Variants in HACE1 observed in about 807,000 individuals in gnomAD.
The protein encoded by HACE1 is HECT domain and ankyrin repeat containing E3 ubiquitin protein ligase 1, also known as E3 ubiquitin-protein ligase HACE1.
In HACE1, 73 loss-of-function variants were observed where a neutral mutation model predicts 118.4. The observed-to-expected ratio is 0.62, with a 90% CI of 0.51 to 0.75. The LOEUF (loss-of-function observed/expected upper bound fraction) is 0.75, where lower values mean the gene tolerates loss of function less well. Ranked by LOEUF, HACE1 falls within the 30% of genes least tolerant of loss-of-function variation. The probability of loss-of-function intolerance (pLI) is 0.00; values close to 1 mark genes in which losing one functional copy is unlikely to be tolerated. For synonymous variants in HACE1, 368 were observed against 374.8 expected (o/e 0.98, Z 0.21); for missense variants, 749 against 1,102.2 (o/e 0.68, Z 4.54).
Position 104,767,910 on chromosome 6 carries a change from T to G in HACE1, c.2211+3283A>C, listed in dbSNP as rs369364377. On this transcript the variant is annotated intron_variant, in intron 19 of 23. Transcript: ENST00000262903. ...CATCTTACTCTTATCTTCTTTTTTT[T>G]CTCCAAGCCTGGATGAACTTTATGA... Among the ~76,000 whole-genome samples, 5 of 152,142 alleles carry G rather than the reference T, an allele frequency of 3.3e-5. No individual in the cohort carries two copies. In the East Asian group the frequency reaches 5.8e-4, roughly 18 times the overall value.
intron 19 of HACE1, among the ~76,000 whole-genome samples, chr6:104,753,375 C>G (rs1032403466): frequency 6.6e-6 from 1 of 152,192 alleles, no homozygotes; most frequent in African/African-American, 2.4e-5. Context: ...AGCACATGTG[C>G]TCTACCAAAA....
At chr6:104,800,011 C>T (rs375848681) in intron 7 of HACE1, among the ~76,000 whole-genome samples, 5 of 152,252 alleles carry the variant, frequency 3.3e-5, no homozygotes, top group South Asian at 2.1e-4. Context: ...TGCCAAAATA[C>T]GGCGCTTTTC....
At chr6:104,778,745 A>G (rs1407998769) in intron 14 of HACE1, among the ~76,000 whole-genome samples, 1 of 152,050 alleles carries the variant, frequency 6.6e-6, no homozygotes, top group Non-Finnish European at 1.5e-5. Context: ...GGCTGCAATG[A>G]GCTATAATTG....
intron 14 of HACE1, 101 bp downstream of exon 14, chr6:104,783,985 A>T: frequency 1.4e-6 from 1 of 730,650 alleles, no homozygotes; most frequent in East Asian, 2.7e-5. Context: ...TTCCTCTTAC[A>T]ACAGAATGTC....
At chr6:104,852,505 G>A (rs1372195732) in intron 1 of HACE1, 134 bp from the exon 2 acceptor site, 17 of 638,396 alleles carry the variant, frequency 2.7e-5, no homozygotes, top group South Asian at 7.0e-5. Flanking sequence ...GAATAATGCA[G>A]AATACCAGAG....
At chr6:104,782,496 A>T (rs994999159) in intron 14 of HACE1, 3 of 152,202 alleles carry the variant, frequency 2.0e-5, no homozygotes, top group Non-Finnish European at 4.4e-5. Context: ...AAAAATAAAT[A>T]AATAAAATAA....
chr6:104,758,947 G>C (rs1779024648), intron 19 of HACE1, among the ~76,000 whole-genome samples: 1 of 151,618 alleles, frequency 6.6e-6, no homozygotes, highest in Non-Finnish European at 1.5e-5. Context: ...GATCAAAACA[G>C]ACAAGGAAGG....
In HACE1 at chr6:104,859,753, G is replaced by C. The variant is rs1777134768; in HGVS notation, c.-111C>G. The C allele has an allele frequency of 3.9e-6, 4 of 1,024,818 alleles. No homozygotes were observed. The highest frequency in any genetic ancestry group is 5.7e-6 in the Non-Finnish European group (4 of 706,108). The allele number at this position is 1,024,818 out of a possible 1,614,324, so 63.5% of individuals were successfully genotyped here. On this transcript the variant is annotated 5_prime_UTR_variant, in exon 1 of 24. Transcript: ENST00000262903. ...GTCCAGCAGGCGGAGACGCGGGCTTGCCCCGGCTAGAGCACTGAGCTGCGA... is the reference window on the plus strand; with the variant it reads ...GTCCAGCAGGCGGAGACGCGGGCTTCCCCCGGCTAGAGCACTGAGCTGCGA...
intron 22 of HACE1, among the ~76,000 whole-genome samples, chr6:104,733,267 T>C (rs1221370880): frequency 1.3e-5 from 2 of 152,172 alleles, no homozygotes; most frequent in Non-Finnish European, 2.9e-5. Flanking sequence ...CACAAGTAAA[T>C]TTTGAACGGT....
At chr6:104,768,324 A>G (rs1780225759) in intron 19 of HACE1, among the ~76,000 whole-genome samples, 2 of 152,156 alleles carry the variant, frequency 1.3e-5, no homozygotes, top group Admixed American at 1.3e-4. Context: ...ATAAAGTAAA[A>G]AGCTGACTCT....
intron 1 of HACE1, among the ~76,000 whole-genome samples, chr6:104,856,505 G>A (rs1337241469): frequency 1.3e-5 from 2 of 151,762 alleles, no homozygotes; most frequent in Non-Finnish European, 2.9e-5. Context: ...CGCGATCTTG[G>A]CTCACTGCAA....
Position 104,814,113 on chromosome 6 carries a change from AAATAAG to A in HACE1, c.535-2726_535-2721del, listed in dbSNP as rs1446397440. ...TCAATCAAGGGAGACATACTGCAGA[AAATAAG>A]AATAAAGAAAAGAAAGGGGGTGAGG... is the stretch of plus-strand genomic sequence containing the variant. On this transcript the variant is annotated intron_variant, in intron 6 of 23. Transcript: ENST00000262903. Among the ~76,000 whole-genome samples the A allele has an allele frequency of 7.2e-5, 10 of 138,070 alleles. 1 individual carries two copies. The highest frequency in any genetic ancestry group is 2.6e-4 in the African/African-American group (9 of 34,648). 90.6% of individuals were successfully genotyped at this position (138,070 alleles called of 152,430 possible).
intron 1 of HACE1, among the ~76,000 whole-genome samples, chr6:104,854,129 A>G (rs1355818220): frequency 1.3e-5 from 2 of 152,188 alleles, no homozygotes; most frequent in Non-Finnish European, 2.9e-5. Context: ...TCTAATCATG[A>G]GAAAATGTCA....
At position 104,859,753 on chromosome 6, in the gene HACE1, G is replaced by GC. The variant is rs1777135263; in HGVS notation, c.-112dup. ...GTCCAGCAGGCGGAGACGCGGGCTT[G>GC]CCCCGGCTAGAGCACTGAGCTGCGA... On this transcript the variant is annotated 5_prime_UTR_variant, in exon 1 of 24. Transcript: ENST00000262903. The GC allele has an allele frequency of 9.8e-7, 1 of 1,024,704 alleles. No homozygotes were observed. Among genetic ancestry groups the GC allele is most frequent in the Admixed American group, 2.3e-5 (1 of 44,402 alleles). 63.5% of individuals were successfully genotyped at this position (1,024,704 alleles called of 1,614,324 possible). A position where few individuals can be genotyped will look rare whatever the true frequency, so the allele number is the denominator to read the frequency against.
chr6:104,859,758 G>C lies in HACE1; in HGVS notation c.-116C>G, dbSNP rs1777136026. On this transcript the variant is annotated 5_prime_UTR_variant, in exon 1 of 24. Transcript: ENST00000262903. ...GCAGGCGGAGACGCGGGCTTGCCCC[G>C]GCTAGAGCACTGAGCTGCGAGGGCT... is the stretch of plus-strand genomic sequence containing the variant. 1.0e-6 allele frequency: 1 copy of C among 990,086 alleles called. No individual in the cohort carries two copies. Among genetic ancestry groups the C allele is most frequent in the African/African-American group, 1.7e-5 (1 of 59,032 alleles). 61.3% of individuals were successfully genotyped at this position (990,086 alleles called of 1,614,324 possible). A position where few individuals can be genotyped will look rare whatever the true frequency, so the allele number is the denominator to read the frequency against.
intron 10 of HACE1, 142 bp from the exon 11 acceptor site, chr6:104,791,796 G>T (rs1582489663): frequency 1.6e-6 from 1 of 616,376 alleles, no homozygotes; most frequent in South Asian, 2.1e-5. Flanking sequence ...ATCATGATAG[G>T]AGATAGAACA....
intron 22 of HACE1, among the ~76,000 whole-genome samples, chr6:104,740,576 C>T (rs1490719604): frequency 6.6e-6 from 1 of 151,126 alleles, no homozygotes; most frequent in Non-Finnish European, 1.5e-5. Flanking sequence ...TGGATAAATT[C>T]CTCGACACAT....
chr6:104,816,134 G>A (rs1772091033), intron 6 of HACE1, among the ~76,000 whole-genome samples: 1 of 152,026 alleles, frequency 6.6e-6, no homozygotes. Flanking sequence ...TGACCATGCA[G>A]TAGAAAACAA....
chr6:104,758,922 C>T lies in HACE1; in HGVS notation c.2212-8450G>A, dbSNP rs544403931. On this transcript the variant is annotated intron_variant, in intron 19 of 23. Coordinates refer to ENST00000262903, the MANE Select transcript of HACE1 (RefSeq NM_020771.4). ...CAATCCTGGTCTCTGATAAAACAGA[C>T]GTTAGACCAAAGAAGATCAAAACAG... Among the ~76,000 whole-genome samples, 11 of 150,706 alleles carry T rather than the reference C, an allele frequency of 7.3e-5. No individual in the cohort carries two copies. The South Asian group carries it at 1.9e-3, about 26-fold the overall frequency.
Sources: gnomAD v4.1 joint callset for allele counts (sites outside exome capture counted in the v4.1 genomes callset) on GRCh38, gnomAD v4.1.1 for gene constraint, MANE v1.5 for transcripts, NCBI Gene and HGNC (gene_info 2026-07-23, HGNC 2026-07-21) for gene names.